Variants in ANKRD30B observed in about 807,000 individuals in gnomAD.
The protein encoded by ANKRD30B is ankyrin repeat domain 30B, also known as ankyrin repeat domain-containing protein 30B.
ANKRD30B carries 144 observed loss-of-function variants against 202.2 expected under a neutral mutation model. The observed-to-expected ratio is 0.71, with a 90% confidence interval of 0.62 to 0.82. ANKRD30B has a LOEUF of 0.82. Ranked by LOEUF, ANKRD30B falls within the 40% of genes least tolerant of loss-of-function variation. The pLI is 0.00. For missense variants in ANKRD30B, 1,487 were observed against 1,669.1 expected (o/e 0.89, Z 1.90); for synonymous variants, 508 against 561.3 (o/e 0.91, Z 1.34).
rs754797356 is a variant in ANKRD30B at position 14,797,792 on chromosome 18, G to C, written c.1967G>C (p.Gly656Ala). The change falls in exon 20 of 44, where the codon GGA becomes GCA. Residue 656 changes from glycine to alanine, a missense_variant. Gly to Ala is a moderately conservative substitution (Grantham distance 60). Coordinates refer to ENST00000690538, the MANE Select transcript of ANKRD30B (RefSeq NM_001367607.2). Reference protein sequence around the residue: ...DKDGLLKPTCGRKVSLPNKAL... With the variant: ...DKDGLLKPTCARKVSLPNKAL... ...TCCGAACCCATTTAGCCTACCTGTG[G>C]AAGGAAAGTTTCTCTTCCAAATAAA... The C allele has an allele frequency of 5.1e-6, 8 of 1,559,686 alleles. No individual in the cohort carries two copies. The African/African-American group carries it at 5.5e-5, about 11-fold the overall frequency.
Position 14,851,897 on chromosome 18 carries a change from A to G in ANKRD30B, c.3953A>G (p.Gln1318Arg). The G allele has an allele frequency of 6.3e-7, 1 of 1,595,222 alleles. No homozygotes were observed. The highest frequency in any genetic ancestry group is 1.7e-5 in the Admixed American group (1 of 57,400). ...HDQSVTSRKN[Q>R]ELAFHSAGDA... ...CAAAGTGTCACATCAAGAAAAAACC[A>G]AGAACTTGCTTTCCACAGTGCAGGA... Residue 1318 changes from glutamine (Q) to arginine (R), a missense_variant, in exon 42 of 44, where the codon CAA becomes CGA. Transcript: ENST00000690538.
intron 32 of ANKRD30B, among the ~76,000 whole-genome samples, chr18:14,825,626 C>CA (rs1328023210): frequency 1.3e-5 from 2 of 151,906 alleles, no homozygotes; most frequent in East Asian, 3.9e-4. Context: ...TGCAACCCCC[C>CA]GGCCTTCCAA....
chr18:14,765,461 TGAAAAAAAAAAAA>T (rs1409548020), intron 7 of ANKRD30B, among the ~76,000 whole-genome samples: 2 of 89,268 alleles, frequency 2.2e-5, no homozygotes, highest in African/African-American at 1.1e-4. Context: ...ACACTCCATC[TGAAAAAAAAAAAA>T]GAAAAAGAAA....
At position 14,763,968 on chromosome 18, in the gene ANKRD30B, C is replaced by T. The variant is rs1172073019; in HGVS notation, c.1103C>T (p.Thr368Ile). 9.3e-6 allele frequency: 15 copies of T among 1,606,714 alleles called. No individual in the cohort carries two copies. The highest frequency in any genetic ancestry group is 1.2e-5 in the Non-Finnish European group (14 of 1,176,286). Residue 368 changes from threonine (T) to isoleucine (I), a missense_variant, in exon 7 of 44, where the codon ACA (threonine) becomes ATA (isoleucine). Thr to Ile is a moderately conservative substitution (Grantham distance 89, BLOSUM62 -1). This residue lies in a region of ANKRD30B where 889 missense variants were observed against 841.4 expected (regional missense o/e 1.06). Transcript: ENST00000690538. Reference protein sequence around the residue: ...SRKITWEEKETSVKTECVAGV... With the variant: ...SRKITWEEKEISVKTECVAGV... ...AAGATCACATGGGAGGAAAAAGAAA[C>T]ATCTGTAAAGACTGAATGCGTGGCA...
the ANKRD30B span, among the ~76,000 whole-genome samples, chr18:14,936,933 C>T: frequency 1.3e-5 from 2 of 152,188 alleles, no homozygotes; most frequent in Non-Finnish European, 2.9e-5. Flanking sequence ...GTTTTCTCCT[C>T]TTTGCACACT....
intron 30 of ANKRD30B, among the ~76,000 whole-genome samples, chr18:14,821,580 C>A (rs1360981007): frequency 6.6e-6 from 1 of 152,174 alleles, no homozygotes; most frequent in Admixed American, 6.5e-5. Context: ...AGCTCCGGCT[C>A]CCAAGTAGCT....
the ANKRD30B span, among the ~76,000 whole-genome samples, chr18:14,863,423 C>T: frequency 2.6e-5 from 4 of 151,988 alleles, no homozygotes; most frequent in Non-Finnish European, 4.4e-5. Context: ...TCTCTTGACA[C>T]GTGATACACT....
chr18:14,938,108 G>A, the ANKRD30B span, among the ~76,000 whole-genome samples: 2 of 152,156 alleles, frequency 1.3e-5, no homozygotes, highest in South Asian at 2.1e-4. Flanking sequence ...CTCCCTACAT[G>A]CCTTCCCCAA....
the ANKRD30B span, among the ~76,000 whole-genome samples, chr18:14,937,251 C>T: frequency 6.6e-6 from 1 of 152,196 alleles, no homozygotes; most frequent in East Asian, 1.9e-4. Flanking sequence ...CTTCTAGAGA[C>T]CGAGTCACAA....
At chr18:14,803,687 A>G in intron 23 of ANKRD30B, 47 bp from the exon 24 acceptor site, 2 of 1,522,466 alleles carry the variant, frequency 1.3e-6, no homozygotes, top group South Asian at 1.2e-5. Flanking sequence ...ACTCCTCATT[A>G]TTGGGATTTC....
At chr18:14,913,129 C>T in the ANKRD30B span, among the ~76,000 whole-genome samples, 1 of 152,234 alleles carries the variant, frequency 6.6e-6, no homozygotes, top group Non-Finnish European at 1.5e-5. Flanking sequence ...ATTTCCTGCA[C>T]ATCCATGTGG....
rs1970748692 is a variant in ANKRD30B, at chr18:14,828,295, G to A, written c.2761G>A (p.Glu921Lys). The A allele has an allele frequency of 6.5e-7, 1 of 1,533,940 alleles. No homozygotes were observed. Among genetic ancestry groups the A allele is most frequent in the East Asian group, 2.5e-5 (1 of 40,682 alleles). The change falls in exon 33 of 44, where the codon GAG (glutamate) becomes AAG (lysine). Residue 921 changes from glutamate to lysine, a missense_variant. Glu to Lys is a moderately conservative substitution (Grantham distance 56). This residue lies in a region of ANKRD30B where 218 missense variants were observed against 320.1 expected (regional missense o/e 0.68). Transcript: ENST00000690538. ...TFKAEDVSSV[E>K]STFSLFGKPT... is the part of the protein sequence containing the mutation. ...TTTAATAGAGGATGTGAGTTCTGTA[G>A]AGTCCACATTCAGGTAAGACTTTGC...
intron 32 of ANKRD30B, among the ~76,000 whole-genome samples, chr18:14,826,677 C>CCTCTCT (rs1161926032): frequency 6.0e-5 from 8 of 133,054 alleles, no homozygotes; most frequent in African/African-American, 2.4e-4. Context: ...TCTCTCTCCC[C>CCTCTCT]CTCTCTCTCT....
At chr18:14,811,305 G>A (rs9676245) in intron 28 of ANKRD30B, among the ~76,000 whole-genome samples, 12,387 of 138,994 alleles carry the variant, frequency 0.089, 879 homozygotes, top group African/African-American at 0.19. Context: ...TCCACCTCCC[G>A]GCTTCACGCC....
chr18:14,795,439 C>T (rs550259261), intron 16 of ANKRD30B, among the ~76,000 whole-genome samples: 6 of 152,098 alleles, frequency 3.9e-5, no homozygotes, highest in East Asian at 1.9e-4. Flanking sequence ...TTGAGAGATC[C>T]GCCCTCTTCA....
Position 14,846,204 on chromosome 18 carries a change from G to A in ANKRD30B, c.3182-2512G>A, listed in dbSNP as rs1971633521. ...CATTTTACAATATCTAATGTGCTGT[G>A]TTTTCATTTGAAGTTAGTTCAAAAT... On this transcript the variant is annotated intron_variant, in intron 39 of 43. Coordinates refer to ENST00000690538, the MANE Select transcript of ANKRD30B (RefSeq NM_001367607.2). 2.0e-5 allele frequency among the ~76,000 whole-genome samples: 3 copies of A among 151,584 alleles called. No homozygotes were observed. In the South Asian group the frequency reaches 6.2e-4, roughly 31 times the overall value.
chr18:14,795,131 A>T (rs889776730), intron 16 of ANKRD30B, among the ~76,000 whole-genome samples: 2 of 152,254 alleles, frequency 1.3e-5, no homozygotes, highest in African/African-American at 4.8e-5. Flanking sequence ...ACATTGAAAT[A>T]TGCAGGTTAA....
intron 4 of ANKRD30B, among the ~76,000 whole-genome samples, chr18:14,756,155 T>G (rs1400570180): frequency 6.6e-6 from 1 of 152,216 alleles, no homozygotes; most frequent in African/African-American, 2.4e-5. Flanking sequence ...TGATGGCCAG[T>G]GATGGTGAGC....
intron 9 of ANKRD30B, among the ~76,000 whole-genome samples, chr18:14,777,001 A>T (rs1016330713): frequency 2.0e-5 from 3 of 152,234 alleles, no homozygotes; most frequent in Non-Finnish European, 2.9e-5. Flanking sequence ...ATAATTATGC[A>T]TATGTCAAGT....
Sources: allele counts gnomAD v4.1 joint callset (sites outside exome capture counted in the v4.1 genomes callset), GRCh38; gene constraint gnomAD v4.1.1; regional missense constraint gnomAD v4.1.1; transcripts MANE v1.5; gene names NCBI Gene and HGNC (gene_info 2026-07-23, HGNC 2026-07-21).